Variants in GREB1L observed in about 807,000 individuals in gnomAD.
GREB1L encodes the protein GREB1-like protein.
In GREB1L, 17 loss-of-function variants were observed where a neutral mutation model predicts 200.8. That is an observed-to-expected ratio of 0.08 (90% confidence interval 0.06 to 0.13). The LOEUF (loss-of-function observed/expected upper bound fraction) is 0.13, where lower values mean the gene tolerates loss of function less well. Among genes scored for constraint, GREB1L ranks in the 10% least tolerant of loss-of-function variants. The pLI, the probability that GREB1L is intolerant of heterozygous loss-of-function variation, is 1.00. For synonymous variants in GREB1L, 789 were observed against 893.0 expected (o/e 0.88, Z 2.08); for missense variants, 1,657 against 2,367.7 (o/e 0.70, Z 6.23).
intron 7 of GREB1L, among the ~76,000 whole-genome samples, chr18:21,436,713 TG>T (rs2033565465): frequency 6.7e-6 from 1 of 150,238 alleles, no homozygotes; most frequent in Non-Finnish European, 1.5e-5. Flanking sequence ...TGTGTGTGTG[TG>T]TGTTTTCTTT....
At position 21,440,340 on chromosome 18, in the gene GREB1L, C is replaced by G. The variant is rs1410193691; in HGVS notation, c.1021C>G (p.Pro341Ala). 6.4e-7 allele frequency: 1 copy of G among 1,551,496 alleles called. No individual in the cohort carries two copies. The highest frequency in any genetic ancestry group is 2.4e-5 in the East Asian group (1 of 40,918). Residue 341 changes from proline (P) to alanine (A), a missense_variant, in exon 9 of 33, where the codon CCT becomes GCT. By Grantham distance (27) the Pro-to-Ala change is conservative. This residue lies in a region of GREB1L where 289 missense variants were observed against 345.1 expected (regional missense o/e 0.84). Coordinates refer to ENST00000424526, the MANE Select transcript of GREB1L (RefSeq NM_001142966.3). ...GWYPGSPLPQ[P>A]GLVVPVPTVR... ...GTATCCTGGGTCACCTCTCCCCCAA[C>G]CTGGCTTAGTTGTACCTGTCCCTAC... is the stretch of plus-strand genomic sequence containing the variant.
intron 1 of GREB1L, among the ~76,000 whole-genome samples, chr18:21,266,057 A>G (rs2037962510): frequency 6.6e-6 from 1 of 152,182 alleles, no homozygotes; most frequent in Non-Finnish European, 1.5e-5. Context: ...ATCTCTGTTC[A>G]TGCTAGTTTC....
At chr18:21,504,641 G>A (rs930632979) in intron 23 of GREB1L, among the ~76,000 whole-genome samples, 7 of 152,172 alleles carry the variant, frequency 4.6e-5, no homozygotes, top group Non-Finnish European at 8.8e-5. Flanking sequence ...TTCAAGACCA[G>A]CTTAGGCAAT....
chr18:21,309,997 A>C (rs1424777430), intron 1 of GREB1L, among the ~76,000 whole-genome samples: 1 of 152,236 alleles, frequency 6.6e-6, no homozygotes, highest in Non-Finnish European at 1.5e-5. Context: ...CCTGTCCAGT[A>C]GAACTTTCTG....
intron 11 of GREB1L, among the ~76,000 whole-genome samples, chr18:21,445,227 C>T (rs2034145570): frequency 6.6e-6 from 1 of 152,266 alleles, no homozygotes; most frequent in African/African-American, 2.4e-5. Flanking sequence ...GTGATCCCAA[C>T]ACTTTGGGAG....
chr18:21,369,948 CAAAAA>C (rs201252099), intron 2 of GREB1L, among the ~76,000 whole-genome samples: 5 of 87,902 alleles, frequency 5.7e-5, no homozygotes, highest in African/African-American at 1.6e-4. Flanking sequence ...GACTCCATCT[CAAAAA>C]AAAAAAAAAA....
At chr18:21,520,909 C>G in intron 32 of GREB1L, 86 bp downstream of exon 32, 1 of 1,234,636 alleles carries the variant, frequency 8.1e-7, no homozygotes, top group Non-Finnish European at 1.1e-6. Context: ...TTAAAAAGCA[C>G]TTGAGGCCAG....
chr18:21,489,946 G>GCA, intron 18 of GREB1L, 66 bp from the exon 19 acceptor site: 1 of 1,182,590 alleles, frequency 8.5e-7, no homozygotes, highest in South Asian at 1.4e-5. Context: ...CATTCTTACT[G>GCA]CACAGGCCTT....
Position 21,439,555 on chromosome 18 carries a change from G to A in GREB1L, c.867G>A (p.Lys289=), listed in dbSNP as rs1206541096. 65 of 1,550,702 alleles carry A rather than the reference G, an allele frequency of 4.2e-5. No homozygotes were observed. Among genetic ancestry groups the A allele is most frequent in the Non-Finnish European group, 5.6e-5 (64 of 1,145,812 alleles). Reference sequence around the variant, plus strand: ...ATGGAAACAGTAGCCATGGAGGGAAGGGCAGTGCATCCAGCTCCACTCCAG... The same window carrying A: ...ATGGAAACAGTAGCCATGGAGGGAAAGGCAGTGCATCCAGCTCCACTCCAG... ...AANGNSSHGG[K]GSASSSTPAH... is the part of the protein sequence containing the mutation. Residue 289 remains lysine, a synonymous_variant, in exon 8 of 33, where the codon AAG becomes AAA. Coordinates refer to ENST00000424526, the MANE Select transcript of GREB1L (RefSeq NM_001142966.3).
In GREB1L at chr18:21,485,623, G is replaced by T; in HGVS notation, c.2560G>T (p.Asp854Tyr). The T allele has an allele frequency of 6.4e-7, 1 of 1,551,200 alleles. No individual in the cohort carries two copies. Among genetic ancestry groups the T allele is most frequent in the Non-Finnish European group, 8.7e-7 (1 of 1,146,786 alleles). ...VHWIQLDTGE[D>Y]VGCEEKLYFG... is the part of the protein sequence containing the mutation. ...TTTGCTCTGTATTTTGAACCAGGAG[G>T]ACGTGGGCTGCGAGGAGAAGCTGTA... Residue 854 changes from aspartate (D) to tyrosine (Y), a missense_variant, in exon 18 of 33, where the codon GAC becomes TAC. This residue lies in a region of GREB1L where 239 missense variants were observed against 421.8 expected (regional missense o/e 0.57). Coordinates refer to ENST00000424526, the MANE Select transcript of GREB1L (RefSeq NM_001142966.3).
chr18:21,518,840 A>T (rs988227488), intron 31 of GREB1L, among the ~76,000 whole-genome samples: 2 of 152,098 alleles, frequency 1.3e-5, no homozygotes, highest in African/African-American at 4.8e-5. Context: ...TCCTACTACT[A>T]AGCTGTCCCT....
At chr18:21,482,539 G>A (rs865884571) in intron 17 of GREB1L, among the ~76,000 whole-genome samples, 1 of 152,150 alleles carries the variant, frequency 6.6e-6, no homozygotes, top group Admixed American at 6.6e-5. Flanking sequence ...GATTATAGGC[G>A]TGAGCCACCG....
chr18:21,319,730 G>A (rs1279851474), intron 1 of GREB1L, among the ~76,000 whole-genome samples: 1 of 152,240 alleles, frequency 6.6e-6, no homozygotes, highest in Non-Finnish European at 1.5e-5. Flanking sequence ...TAGAGGCTTA[G>A]AGGGGAGAGC....
intron 7 of GREB1L, among the ~76,000 whole-genome samples, chr18:21,426,773 A>G (rs1442588941): frequency 6.6e-6 from 1 of 151,988 alleles, no homozygotes; most frequent in Non-Finnish European, 1.5e-5. Flanking sequence ...CCTGGCTAAC[A>G]TGGTGAAACC....
chr18:21,383,587 A>G lies in GREB1L; in HGVS notation c.69A>G (p.Glu23=). The G allele has an allele frequency of 6.4e-7, 1 of 1,550,844 alleles. No homozygotes were observed. The highest frequency in any genetic ancestry group is 8.7e-7 in the Non-Finnish European group (1 of 1,146,644). Residue 23 remains glutamate, a synonymous_variant, in exon 3 of 33, where the codon GAA becomes GAG. Transcript: ENST00000424526. The part of the protein sequence containing the change: ...RFEEALHNSI[E]ASLRCSSVVP... ...AGGAAGCTCTCCACAACTCCATAGA[A>G]GCCTCCCTCAGATGTAGTAGTGTGG...
At chr18:21,365,036 T>C (rs953163460) in intron 1 of GREB1L, among the ~76,000 whole-genome samples, 1 of 152,130 alleles carries the variant, frequency 6.6e-6, no homozygotes, top group Non-Finnish European at 1.5e-5. Context: ...AGACCTTCCA[T>C]TTTTAATTAT....
chr18:21,477,797 A>C (rs563897278), intron 17 of GREB1L, among the ~76,000 whole-genome samples: 9 of 152,072 alleles, frequency 5.9e-5, no homozygotes, highest in African/African-American at 1.4e-4. Context: ...AAAAAAAAAA[A>C]AACAAAAAAC....
intron 19 of GREB1L, among the ~76,000 whole-genome samples, chr18:21,495,232 G>A (rs2036499507): frequency 6.6e-6 from 1 of 152,146 alleles, no homozygotes; most frequent in South Asian, 2.1e-4. Flanking sequence ...CTGTTTTAAT[G>A]GAATTCTGAG....
intron 17 of GREB1L, among the ~76,000 whole-genome samples, chr18:21,483,281 A>G (rs1190277926): frequency 1.3e-5 from 2 of 152,342 alleles, no homozygotes; most frequent in African/African-American, 2.4e-5. Context: ...GCCAAGGGTG[A>G]GAGGGAAACG....
Sources: allele counts gnomAD v4.1 joint callset (sites outside exome capture counted in the v4.1 genomes callset), GRCh38; gene constraint gnomAD v4.1.1; regional missense constraint gnomAD v4.1.1; transcripts MANE v1.5; gene names NCBI Gene and HGNC (gene_info 2026-07-23, HGNC 2026-07-21).